SYTL4: variants seen among roughly 807,000 people sequenced by gnomAD.
The protein encoded by SYTL4 is synaptotagmin like 4, also known as synaptotagmin-like protein 4.
Under a neutral mutation model 52.7 loss-of-function variants are expected in SYTL4, and 16 were observed. The observed-to-expected ratio is 0.30, with a 90% CI of 0.21 to 0.46. The LOEUF (loss-of-function observed/expected upper bound fraction) is 0.46. Among genes scored for constraint, SYTL4 ranks in the 20% least tolerant of loss-of-function variants. SYTL4 has a pLI of 1.00. For missense variants in SYTL4, 423 were observed against 519.9 expected (o/e 0.81, Z 1.81); for synonymous variants, 160 against 186.6 (o/e 0.86, Z 1.16).
At chrX:100,690,521 G>T in intron 10 of SYTL4, 42 bp downstream of exon 10, 1 of 1,080,469 alleles carries the variant, frequency 9.3e-7, no homozygotes. Flanking sequence ...AGAAAGGGAA[G>T]GAAGGGAGGG....
chrX:100,710,161 T>C (rs904443585), intron 2 of SYTL4, among the ~76,000 whole-genome samples: 4 of 112,117 alleles, frequency 3.6e-5, no homozygotes, highest in Non-Finnish European at 7.5e-5. Flanking sequence ...TACATTCTAA[T>C]GGATTATCAT....
chrX:100,719,344 G>A (rs925578423), intron 2 of SYTL4, among the ~76,000 whole-genome samples: 3 of 111,406 alleles, frequency 2.7e-5, no homozygotes, highest in Non-Finnish European at 5.7e-5. Flanking sequence ...GACCCAGGCC[G>A]TCTGGTTCCA....
intron 16 of SYTL4, among the ~76,000 whole-genome samples, chrX:100,684,290 AT>A (rs56194351): frequency 0.26 from 28,746 of 109,437 alleles, 3,427 homozygotes; most frequent in East Asian, 0.54. Flanking sequence ...TGTTGTCACT[AT>A]TTTTTTTTGC....
chrX:100,730,221 T>C (rs1351130632), intron 2 of SYTL4, among the ~76,000 whole-genome samples: 1 of 111,506 alleles, frequency 9.0e-6, no homozygotes, highest in Non-Finnish European at 1.9e-5. Flanking sequence ...GTACTTATAG[T>C]GGTAACGTGG....
intron 2 of SYTL4, among the ~76,000 whole-genome samples, chrX:100,710,338 C>T (rs1157705442): frequency 2.7e-5 from 3 of 111,446 alleles, no homozygotes; most frequent in Non-Finnish European, 3.8e-5. Flanking sequence ...TGTTTTACAC[C>T]GAAACTGATC....
At chrX:100,697,982 T>C (rs773062915) in intron 8 of SYTL4, among the ~76,000 whole-genome samples, 1 of 111,887 alleles carries the variant, frequency 8.9e-6, no homozygotes, top group Admixed American at 9.4e-5. Context: ...TTCTGAGACA[T>C]GATACAGAAA....
chrX:100,711,483 C>T (rs956552101), intron 2 of SYTL4, among the ~76,000 whole-genome samples: 2 of 111,477 alleles, frequency 1.8e-5, no homozygotes, highest in East Asian at 5.6e-4. Context: ...AGACTCAAAT[C>T]AAACCTATGG....
In SYTL4 at chrX:100,715,459, G is replaced by A. The variant is rs7061876; in HGVS notation, c.-239-10573C>T. ...CTAGGAAGTCCTTTACTTAAAGGCT[G>A]GTTAAGGGAAACTATTCTACAAATT... On this transcript the variant is annotated intron_variant, in intron 2 of 19. Transcript: ENST00000372989. Among the ~76,000 whole-genome samples the A allele has an allele frequency of 8.2e-3, 913 of 111,906 alleles. 14 individuals are homozygous for A. Among genetic ancestry groups the A allele is most frequent in the African/African-American group, 0.028 (874 of 30,845 alleles).
rs1052675845 is a variant in SYTL4, at chrX:100,674,779, G to A, written c.*1249C>T. On this transcript the variant is annotated 3_prime_UTR_variant, in exon 20 of 20. Transcript: ENST00000372989. ...TCCACACACAACTTTGGGTAGAAAC[G>A]CTTATGAGAATAGAAAGGTCAGTTT... 1 of 111,761 alleles carries A rather than the reference G, an allele frequency of 8.9e-6. No individual in the cohort carries two copies. Among genetic ancestry groups the A allele is most frequent in the African/African-American group, 3.3e-5 (1 of 30,686 alleles). The allele number at this position is 111,761 out of a possible 1,213,427, so 9.2% of individuals were successfully genotyped here.
intron 19 of SYTL4, among the ~76,000 whole-genome samples, chrX:100,677,777 C>T (rs773371384): frequency 4.5e-5 from 5 of 112,125 alleles, no homozygotes; most frequent in Non-Finnish European, 9.4e-5. Context: ...GCAAGAGCAA[C>T]TGCTCAGCAG....
At position 100,690,165 on chromosome X, in the gene SYTL4, C is replaced by T. The variant is rs926356926; in HGVS notation, c.718G>A (p.Glu240Lys). 17 of 1,195,175 alleles carry T rather than the reference C, an allele frequency of 1.4e-5. No homozygotes were observed. Among genetic ancestry groups the T allele is most frequent in the Non-Finnish European group, 1.8e-5 (16 of 882,779 alleles). Residue 240 changes from glutamate to lysine, a missense_variant and splice_region_variant, in exon 11 of 20, where the codon GAA becomes AAA. Physicochemically the swap from Glu to Lys is moderately conservative, Grantham distance 56. Transcript: ENST00000372989. Reference sequence around the variant, plus strand: ...ACATTTTGACCTCCAGGCTGAGTTTCCTAGGAAGGAACAAGGGCAAGAAAA... The same window carrying T: ...ACATTTTGACCTCCAGGCTGAGTTTTCTAGGAAGGAACAAGGGCAAGAAAA... ...MSAPKSQVEKETQPGGQNVVF... is the reference protein window; with the variant it reads ...MSAPKSQVEKKTQPGGQNVVF...
At chrX:100,729,851 TGTCAGGGG>T (rs1248662169) in intron 2 of SYTL4, among the ~76,000 whole-genome samples, 1 of 110,421 alleles carries the variant, frequency 9.1e-6, no homozygotes, top group Non-Finnish European at 1.9e-5. Flanking sequence ...TAGGAATTAA[TGTCAGGGG>T]AGGGGGAATG....
chrX:100,688,273 C>A lies in SYTL4; in HGVS notation c.1005+78G>T, dbSNP rs758006000. The A allele has an allele frequency of 8.8e-5, 75 of 850,254 alleles. No individual in the cohort carries two copies. The East Asian group carries it at 2.3e-3, about 26-fold the overall frequency. The allele number at this position is 850,254 out of a possible 1,213,427, so 70.1% of individuals were successfully genotyped here. A position where few individuals can be genotyped will look rare whatever the true frequency, so the allele number is the denominator to read the frequency against. The stretch of plus-strand genomic sequence containing the variant: ...TGACTAGGATGGTTTCCCCAGGTCC[C>A]GAATCTGCTCTAGGGAGGTGCTTCT... On this transcript the variant is annotated intron_variant, in intron 13 of 19. Transcript: ENST00000372989.
At chrX:100,697,343 A>G in intron 8 of SYTL4, among the ~76,000 whole-genome samples, 1 of 112,432 alleles carries the variant, frequency 8.9e-6, no homozygotes, top group Non-Finnish European at 1.9e-5. Context: ...TCCTTAAACT[A>G]AAGTACAGCT....
In SYTL4 at chrX:100,687,015, C is replaced by T. The variant is rs1053047885; in HGVS notation, c.1184+52G>A. The T allele has an allele frequency of 6.9e-6, 8 of 1,158,497 alleles. No homozygotes were observed. The East Asian group carries it at 1.5e-4, about 22-fold the overall frequency. On this transcript the variant is annotated intron_variant, in intron 14 of 19. Coordinates refer to ENST00000372989, the MANE Select transcript of SYTL4 (RefSeq NM_001370165.1). ...TGTTCAAGAGTGCCCGGACAGATGC[C>T]GGGGTCTGGTCTCTGGTCTCAGAGC...
intron 2 of SYTL4, among the ~76,000 whole-genome samples, chrX:100,729,996 C>T (rs1171945082): frequency 9.0e-6 from 1 of 111,178 alleles, no homozygotes; most frequent in East Asian, 2.8e-4. Flanking sequence ...CATGACAAAA[C>T]TAGCACACGA....
chrX:100,730,209 G>A (rs957181346), intron 2 of SYTL4, among the ~76,000 whole-genome samples: 4 of 111,722 alleles, frequency 3.6e-5, no homozygotes, highest in African/African-American at 1.3e-4. Flanking sequence ...ACTCAGGGAT[G>A]TGTACTTATA....
chrX:100,679,805 G>A (rs1215070146), intron 17 of SYTL4, among the ~76,000 whole-genome samples: 2 of 111,418 alleles, frequency 1.8e-5, no homozygotes, highest in Admixed American at 9.5e-5. Context: ...CTGAGTTCTC[G>A]ATTCCACCCC....
intron 14 of SYTL4, 121 bp downstream of exon 14, chrX:100,686,946 T>G: frequency 1.1e-6 from 1 of 924,792 alleles, no homozygotes; most frequent in Non-Finnish European, 1.5e-6. Context: ...CCTGGTTCTT[T>G]TCCTACATTA....
Sources: allele counts gnomAD v4.1 joint callset (sites outside exome capture counted in the v4.1 genomes callset), GRCh38; gene constraint gnomAD v4.1.1; transcripts MANE v1.5; gene names NCBI Gene and HGNC (gene_info 2026-07-23, HGNC 2026-07-21).